Variants in ZNF385D observed in about 807,000 individuals in gnomAD.
ZNF385D encodes the protein zinc finger protein 659.
In ZNF385D, 15 loss-of-function variants were observed where a neutral mutation model predicts 35.8. That is an observed-to-expected ratio of 0.42 (90% CI 0.28 to 0.64). The LOEUF (loss-of-function observed/expected upper bound fraction) is 0.64, where lower values mean the gene tolerates loss of function less well. Among genes scored for constraint, ZNF385D ranks in the 30% least tolerant of loss-of-function variants. The pLI, the probability that ZNF385D is intolerant of heterozygous loss-of-function variation, is 0.23. For missense variants in ZNF385D, 474 were observed against 494.6 expected (o/e 0.96, Z 0.39); for synonymous variants, 212 against 186.8 (o/e 1.13, Z -1.10).
chr3:22,063,215 T>A (rs1359624916), intron 3 of ZNF385D, among the ~76,000 whole-genome samples: 1 of 152,210 alleles, frequency 6.6e-6, no homozygotes, highest in African/African-American at 2.4e-5. Flanking sequence ...ATGGGAATAT[T>A]ATCTATTTCA....
intron 2 of ZNF385D, among the ~76,000 whole-genome samples, chr3:21,565,438 G>A (rs1257920937): frequency 6.6e-6 from 1 of 152,098 alleles, no homozygotes; most frequent in Non-Finnish European, 1.5e-5. Flanking sequence ...GAGTGCAGTG[G>A]TGAGATCATA....
intron 1 of ZNF385D, among the ~76,000 whole-genome samples, chr3:21,723,154 C>G (rs1209602418): frequency 1.3e-5 from 2 of 152,172 alleles, no homozygotes; most frequent in Non-Finnish European, 2.9e-5. Context: ...AGGTCACCAA[C>G]ATCAAAGACG....
intron 2 of ZNF385D, among the ~76,000 whole-genome samples, chr3:21,648,186 C>T (rs558218803): frequency 3.9e-5 from 6 of 152,142 alleles, no homozygotes; most frequent in South Asian, 2.1e-4. Context: ...TCATGAGGGG[C>T]GGGTTTCCCC....
intron 3 of ZNF385D, among the ~76,000 whole-genome samples, chr3:21,776,433 G>A (rs1373643061): frequency 6.6e-6 from 1 of 151,940 alleles, no homozygotes; most frequent in African/African-American, 2.4e-5. Context: ...AACCAGCACT[G>A]AATATCCTTT....
At chr3:22,118,035 G>C (rs1001839598) in intron 3 of ZNF385D, among the ~76,000 whole-genome samples, 4 of 152,062 alleles carry the variant, frequency 2.6e-5, no homozygotes, top group African/African-American at 9.7e-5. Context: ...CCTGTGATTT[G>C]TAACAGACGC....
chr3:22,169,699 T>C (rs1045146450), intron 2 of ZNF385D, among the ~76,000 whole-genome samples: 4 of 152,208 alleles, frequency 2.6e-5, no homozygotes, highest in African/African-American at 9.6e-5. Flanking sequence ...ATGGCTTACA[T>C]TGGAAAGCAT....
intron 2 of ZNF385D, among the ~76,000 whole-genome samples, chr3:21,588,320 C>T (rs1218589967): frequency 6.6e-6 from 1 of 152,100 alleles, no homozygotes; most frequent in African/African-American, 2.4e-5. Flanking sequence ...ACTTTTAAGA[C>T]TTTCATCTCA....
chr3:21,758,484 G>A (rs2070447447), intron 3 of ZNF385D, among the ~76,000 whole-genome samples: 1 of 152,164 alleles, frequency 6.6e-6, no homozygotes. Flanking sequence ...GAACCAGAGG[G>A]CCAGTCAACC....
chr3:21,578,379 GTCT>G (rs1027487633), intron 2 of ZNF385D, among the ~76,000 whole-genome samples: 81 of 152,152 alleles, frequency 5.3e-4, no homozygotes, highest in African/African-American at 1.9e-3. Context: ...TACTTTTGAA[GTCT>G]TATACATAAA....
chr3:21,806,813 T>C, intron 3 of ZNF385D, among the ~76,000 whole-genome samples: 1 of 152,210 alleles, frequency 6.6e-6, no homozygotes, highest in East Asian at 1.9e-4. Context: ...CTTCTTGACC[T>C]GGGAGAAGAC....
At chr3:22,027,912 C>T (rs1413801391) in intron 3 of ZNF385D, among the ~76,000 whole-genome samples, 1 of 152,152 alleles carries the variant, frequency 6.6e-6, no homozygotes, top group African/African-American at 2.4e-5. Flanking sequence ...GCAGGCACTA[C>T]CAAAAGTGGA....
chr3:22,025,408 G>A (rs1263613163), intron 3 of ZNF385D, among the ~76,000 whole-genome samples: 1 of 152,068 alleles, frequency 6.6e-6, no homozygotes, highest in African/African-American at 2.4e-5. Context: ...CCCATGAGGA[G>A]GTGTGCTACA....
intron 3 of ZNF385D, among the ~76,000 whole-genome samples, chr3:21,940,149 A>T (rs773501659): frequency 6.6e-6 from 1 of 152,050 alleles, no homozygotes; most frequent in Non-Finnish European, 1.5e-5. Context: ...TAAGTTTCTG[A>T]CAAACCACGA....
chr3:22,094,385 G>GAT (rs140274686), intron 3 of ZNF385D, among the ~76,000 whole-genome samples: 5,252 of 70,788 alleles, frequency 0.074, 336 homozygotes, highest in East Asian at 0.15. Context: ...ATTTATTGTT[G>GAT]ATATATATAT....
chr3:22,202,820 G>A (rs952682523), intron 2 of ZNF385D, among the ~76,000 whole-genome samples: 1 of 152,104 alleles, frequency 6.6e-6, no homozygotes, highest in African/African-American at 2.4e-5. Flanking sequence ...AGCTCATCTG[G>A]TGCCTATAAA....
At chr3:22,232,698 T>A (rs1169251842) in intron 2 of ZNF385D, among the ~76,000 whole-genome samples, 3 of 152,184 alleles carry the variant, frequency 2.0e-5, no homozygotes, top group Non-Finnish European at 4.4e-5. Context: ...TTCATCCATG[T>A]CCCTGCAAAG....
At chr3:22,064,572 G>C (rs1027412069) in intron 3 of ZNF385D, among the ~76,000 whole-genome samples, 1 of 152,180 alleles carries the variant, frequency 6.6e-6, no homozygotes, top group Admixed American at 6.5e-5. Flanking sequence ...TAAAGAAAAT[G>C]GGGTACATAT....
intron 2 of ZNF385D, among the ~76,000 whole-genome samples, chr3:22,212,864 T>C (rs952189011): frequency 9.9e-5 from 15 of 151,974 alleles, no homozygotes; most frequent in African/African-American, 3.6e-4. Flanking sequence ...TAAGTAATAC[T>C]TAATTTCAAG....
chr3:22,140,433 T>A (rs1704436019), intron 3 of ZNF385D, among the ~76,000 whole-genome samples: 1 of 152,110 alleles, frequency 6.6e-6, no homozygotes, highest in Admixed American at 6.5e-5. Flanking sequence ...AGATTAGTGT[T>A]ATGAAGATGT....
Sources: allele counts gnomAD v4.1 joint callset (sites outside exome capture counted in the v4.1 genomes callset), GRCh38; gene constraint gnomAD v4.1.1; transcripts MANE v1.5; gene names NCBI Gene and HGNC (gene_info 2026-07-23, HGNC 2026-07-21).